Variants in ASCC1 observed in about 807,000 individuals in gnomAD.
ASCC1 encodes the protein activating signal cointegrator 1 complex subunit 1.
Under a neutral mutation model 46.6 loss-of-function variants are expected in ASCC1, and 35 were observed. The observed-to-expected ratio is 0.75, with a 90% CI of 0.57 to 0.99. The LOEUF (loss-of-function observed/expected upper bound fraction) is 0.99. ASCC1 is among the 50% of genes least tolerant of loss of function. ASCC1 has a pLI of 0.00. For synonymous variants in ASCC1, 143 were observed against 146.6 expected (o/e 0.98, Z 0.18); for missense variants, 376 against 428.7 (o/e 0.88, Z 1.09).
chr10:72,155,052 T>G (rs1848791527), intron 6 of ASCC1, among the ~76,000 whole-genome samples: 1 of 151,894 alleles, frequency 6.6e-6, no homozygotes, highest in Non-Finnish European at 1.5e-5. Flanking sequence ...TACAACAATG[T>G]GCATGCTATG....
intron 9 of ASCC1, among the ~76,000 whole-genome samples, chr10:72,114,021 T>C (rs1407232552): frequency 6.6e-6 from 1 of 152,216 alleles, no homozygotes; most frequent in Non-Finnish European, 1.5e-5. Context: ...CATTCAATAT[T>C]TTTTATTAAT....
At chr10:72,120,593 A>C (rs1356443376) in intron 9 of ASCC1, among the ~76,000 whole-genome samples, 2 of 137,002 alleles carry the variant, frequency 1.5e-5, no homozygotes, top group African/African-American at 2.6e-5. Flanking sequence ...AATAAAGACC[A>C]AAAAAAAAAA....
intron 5 of ASCC1, among the ~76,000 whole-genome samples, chr10:72,177,051 A>C (rs960585081): frequency 3.3e-5 from 5 of 152,008 alleles, no homozygotes; most frequent in African/African-American, 1.2e-4. Context: ...TGGGATCCTT[A>C]AGAGTAGAGT....
chr10:72,126,198 A>G (rs1844844542), intron 9 of ASCC1, among the ~76,000 whole-genome samples: 1 of 152,214 alleles, frequency 6.6e-6, no homozygotes, highest in African/African-American at 2.4e-5. Context: ...TTTCTGATTC[A>G]GATTCTGCTA....
At chr10:72,199,869 C>G (rs1856247966) in intron 4 of ASCC1, among the ~76,000 whole-genome samples, 1 of 151,996 alleles carries the variant, frequency 6.6e-6, no homozygotes, top group African/African-American at 2.4e-5. Context: ...GTAGCTGAGA[C>G]TACAAGCATG....
At chr10:72,190,624 G>C (rs2133173763) in intron 5 of ASCC1, 1 of 895,420 alleles carries the variant, frequency 1.1e-6, no homozygotes, top group African/African-American at 1.7e-5. Context: ...ATTTAAGACA[G>C]TCATGTGTGC....
At chr10:72,151,326 G>C (rs1365957211) in intron 7 of ASCC1, among the ~76,000 whole-genome samples, 1 of 152,030 alleles carries the variant, frequency 6.6e-6, no homozygotes, top group East Asian at 1.9e-4. Flanking sequence ...CCATCATTCT[G>C]AGCAAACTAT....
intron 7 of ASCC1, among the ~76,000 whole-genome samples, chr10:72,141,791 C>G (rs1012849402): frequency 2.6e-5 from 4 of 152,234 alleles, no homozygotes; most frequent in Non-Finnish European, 4.4e-5. Context: ...TTTGTAGATA[C>G]TAAATTATTT....
chr10:72,101,803 T>C (rs1314490400), intron 9 of ASCC1, among the ~76,000 whole-genome samples: 5 of 152,024 alleles, frequency 3.3e-5, no homozygotes, highest in East Asian at 3.9e-4. Flanking sequence ...TGGTAGTAGT[T>C]CAGTCATGAG....
intron 7 of ASCC1, among the ~76,000 whole-genome samples, chr10:72,142,811 T>C (rs1385339228): frequency 6.6e-6 from 1 of 152,166 alleles, no homozygotes; most frequent in African/African-American, 2.4e-5. Flanking sequence ...ACACATGTAG[T>C]ATATAATTGC....
chr10:72,178,654 C>G (rs1434577200), intron 5 of ASCC1, among the ~76,000 whole-genome samples: 3 of 152,148 alleles, frequency 2.0e-5, no homozygotes, highest in African/African-American at 4.8e-5. Context: ...AAGCAGACAA[C>G]CCAGTCCAGC....
At chr10:72,111,679 T>C (rs988217908) in intron 9 of ASCC1, among the ~76,000 whole-genome samples, 1 of 152,130 alleles carries the variant, frequency 6.6e-6, no homozygotes, top group Non-Finnish European at 1.5e-5. Flanking sequence ...TCTCTCACTG[T>C]AGCCCAGGCT....
At position 72,196,770 on chromosome 10, in the gene ASCC1, T is replaced by C. The variant is rs781558220; in HGVS notation, c.489+41A>G. 2.2e-5 allele frequency: 35 copies of C among 1,570,836 alleles called. No individual in the cohort carries two copies. The East Asian group carries it at 7.7e-4, about 34-fold the overall frequency. On this transcript the variant is annotated intron_variant, in intron 5 of 9. Coordinates refer to ENST00000672957, the MANE Select transcript of ASCC1 (RefSeq NM_001198800.3). ...GAACCATTTTTGTATTCTTTTTATA[T>C]TTAACTTTTTTTTTAACCTTCTTGC...
intron 9 of ASCC1, among the ~76,000 whole-genome samples, chr10:72,115,044 C>A (rs1843345240): frequency 6.6e-6 from 1 of 152,108 alleles, no homozygotes; most frequent in Non-Finnish European, 1.5e-5. Flanking sequence ...AAAAACTATT[C>A]TTGGTTAGAG....
intron 4 of ASCC1, among the ~76,000 whole-genome samples, chr10:72,200,263 T>A (rs1024645902): frequency 2.6e-5 from 4 of 152,156 alleles, no homozygotes; most frequent in Admixed American, 2.6e-4. Flanking sequence ...GCAATTATGT[T>A]TGGGGTTCGT....
chr10:72,123,322 G>C (rs1844445685), intron 9 of ASCC1, among the ~76,000 whole-genome samples: 1 of 145,330 alleles, frequency 6.9e-6, no homozygotes, highest in Admixed American at 7.0e-5. Flanking sequence ...CTGGGCGGCA[G>C]AGCAAGACTC....
chr10:72,171,028 G>A (rs544700846), intron 5 of ASCC1, among the ~76,000 whole-genome samples: 64 of 152,168 alleles, frequency 4.2e-4, no homozygotes, highest in African/African-American at 1.4e-3. Flanking sequence ...TATGACATGT[G>A]CAACTCACTC....
intron 3 of ASCC1, among the ~76,000 whole-genome samples, chr10:72,206,090 C>T (rs1432910021): frequency 3.8e-5 from 5 of 133,082 alleles, no homozygotes; most frequent in Admixed American, 7.5e-5. Flanking sequence ...GGTGACAGAG[C>T]GAGACTCTGT....
At chr10:72,142,027 A>G (rs1847075498) in intron 7 of ASCC1, among the ~76,000 whole-genome samples, 1 of 152,244 alleles carries the variant, frequency 6.6e-6, no homozygotes, top group Non-Finnish European at 1.5e-5. Flanking sequence ...TTTAATATTA[A>G]TGATAAATGT....
Sources: allele counts gnomAD v4.1 joint callset (sites outside exome capture counted in the v4.1 genomes callset), GRCh38; gene constraint gnomAD v4.1.1; transcripts MANE v1.5; gene names NCBI Gene and HGNC (gene_info 2026-07-23, HGNC 2026-07-21).